RALGPS2: variants seen among roughly 807,000 people sequenced by gnomAD.
RALGPS2 encodes the protein Ral GEF with PH domain and SH3 binding motif 2.
A neutral mutation model predicts 86.8 loss-of-function variants in RALGPS2; 43 were observed. That is an observed-to-expected ratio of 0.50 (90% CI 0.39 to 0.64). The LOEUF is 0.64. RALGPS2 is among the 30% of genes least tolerant of loss of function. The pLI, the probability that RALGPS2 is intolerant of heterozygous loss-of-function variation, is 0.00. For missense variants in RALGPS2, 536 were observed against 694.6 expected (o/e 0.77, Z 2.57); for synonymous variants, 243 against 231.3 (o/e 1.05, Z -0.46).
intron 1 of RALGPS2, among the ~76,000 whole-genome samples, chr1:178,765,532 C>T (rs933088366): frequency 3.4e-4 from 51 of 152,086 alleles, no homozygotes; most frequent in African/African-American, 1.1e-3. Flanking sequence ...AGGAACGGAG[C>T]GAAATTAAAA....
chr1:178,754,424 T>C (rs1395412893), intron 1 of RALGPS2, among the ~76,000 whole-genome samples: 1 of 152,068 alleles, frequency 6.6e-6, no homozygotes, highest in Non-Finnish European at 1.5e-5. Flanking sequence ...GGAGAGCCGG[T>C]GGTATAAGTT....
intron 13 of RALGPS2, among the ~76,000 whole-genome samples, chr1:178,888,449 T>G (rs1659582522): frequency 6.6e-6 from 1 of 152,166 alleles, no homozygotes; most frequent in Non-Finnish European, 1.5e-5. Flanking sequence ...TTTTCTAATG[T>G]GGTATCTATC....
At chr1:178,771,049 C>T (rs910738359) in intron 1 of RALGPS2, among the ~76,000 whole-genome samples, 4 of 149,658 alleles carry the variant, frequency 2.7e-5, no homozygotes, top group South Asian at 2.1e-4. Context: ...ATGTTGGCCA[C>T]GCTGGTCTCG....
At chr1:178,755,787 AC>A (rs1419446117) in intron 1 of RALGPS2, among the ~76,000 whole-genome samples, 6 of 152,176 alleles carry the variant, frequency 3.9e-5, no homozygotes, top group African/African-American at 1.4e-4. Context: ...TAGTGGCTGT[AC>A]TATTTACATC....
chr1:178,730,335 C>T (rs959360540), intron 1 of RALGPS2, among the ~76,000 whole-genome samples: 8 of 152,278 alleles, frequency 5.3e-5, no homozygotes, highest in African/African-American at 1.9e-4. Flanking sequence ...TCTTATGCCA[C>T]CTTGAAATTT....
At chr1:178,836,595 C>G (rs947851828) in intron 8 of RALGPS2, among the ~76,000 whole-genome samples, 4 of 152,150 alleles carry the variant, frequency 2.6e-5, no homozygotes, top group African/African-American at 9.7e-5. Context: ...GTTTCTCAAG[C>G]CCCATCTTAA....
At chr1:178,870,739 A>G (rs1658705460) in intron 8 of RALGPS2, 1 of 152,172 alleles carries the variant, frequency 6.6e-6, no homozygotes. Flanking sequence ...AATATTAAAT[A>G]CCTTTTTGTG....
intron 17 of RALGPS2, among the ~76,000 whole-genome samples, chr1:178,898,848 C>A (rs1660050478): frequency 6.6e-6 from 1 of 151,832 alleles, no homozygotes; most frequent in Non-Finnish European, 1.5e-5. Context: ...GTATTCTGGT[C>A]AAATTGACAA....
chr1:178,806,980 T>TA (rs1186885269), intron 4 of RALGPS2, among the ~76,000 whole-genome samples: 4 of 152,246 alleles, frequency 2.6e-5, no homozygotes, highest in African/African-American at 9.6e-5. Context: ...GTAAAGCTGT[T>TA]ACACAGCAAT....
chr1:178,907,439 G>A (rs1181920667), intron 19 of RALGPS2, among the ~76,000 whole-genome samples: 2 of 152,160 alleles, frequency 1.3e-5, no homozygotes, highest in Non-Finnish European at 2.9e-5. Flanking sequence ...GGTTTCTGTG[G>A]TGGTAGTGAA....
At chr1:178,833,688 T>C (rs1317973143) in intron 8 of RALGPS2, 138 bp downstream of exon 8, 10 of 1,343,442 alleles carry the variant, frequency 7.4e-6, no homozygotes, top group Non-Finnish European at 9.6e-6. Flanking sequence ...CTGAAAAAAA[T>C]GACTAAAGAT....
At chr1:178,727,830 C>T (rs1161590221) in intron 1 of RALGPS2, among the ~76,000 whole-genome samples, 1 of 152,078 alleles carries the variant, frequency 6.6e-6, no homozygotes, top group Admixed American at 6.5e-5. Flanking sequence ...AGGGGAGACA[C>T]AACAGGGCTT....
At chr1:178,819,157 A>G (rs1044159847) in intron 6 of RALGPS2, among the ~76,000 whole-genome samples, 13 of 150,752 alleles carry the variant, frequency 8.6e-5, no homozygotes, top group African/African-American at 3.2e-4. Flanking sequence ...CACCTGGTTA[A>G]TTTCTGTGTT....
intron 2 of RALGPS2, among the ~76,000 whole-genome samples, chr1:178,779,313 T>C (rs1653264005): frequency 6.6e-6 from 1 of 152,206 alleles, no homozygotes; most frequent in African/African-American, 2.4e-5. Flanking sequence ...GGAACTTGCC[T>C]GCTTTCCTTA....
chr1:178,885,308 A>C (rs1659436524), intron 12 of RALGPS2, 97 bp downstream of exon 12: 1 of 1,239,664 alleles, frequency 8.1e-7, no homozygotes. Context: ...ATCCTTGAAT[A>C]GTTTTCTTTT....
chr1:178,764,092 T>G (rs1652381862), intron 1 of RALGPS2, among the ~76,000 whole-genome samples: 1 of 152,166 alleles, frequency 6.6e-6, no homozygotes, highest in Admixed American at 6.6e-5. Flanking sequence ...TATTGTGTGT[T>G]TGTCTGTGTC....
intron 6 of RALGPS2, among the ~76,000 whole-genome samples, chr1:178,818,051 G>A (rs1330485677): frequency 6.6e-6 from 1 of 152,094 alleles, no homozygotes; most frequent in African/African-American, 2.4e-5. Context: ...CCTCTGTGAG[G>A]GAACAAGAAT....
chr1:178,763,041 G>A (rs1308339885), intron 1 of RALGPS2, among the ~76,000 whole-genome samples: 2 of 152,076 alleles, frequency 1.3e-5, no homozygotes, highest in African/African-American at 2.4e-5. Flanking sequence ...CAAGGAAGGG[G>A]TCCAGTTTTA....
intron 10 of RALGPS2, among the ~76,000 whole-genome samples, chr1:178,880,998 G>T (rs186721222): frequency 9.2e-5 from 14 of 152,232 alleles, no homozygotes; most frequent in African/African-American, 3.4e-4. Flanking sequence ...TAGAACCAGA[G>T]CAGCCCTTCC....
Sources: gnomAD v4.1 joint callset for allele counts (sites outside exome capture counted in the v4.1 genomes callset) on GRCh38, gnomAD v4.1.1 for gene constraint, MANE v1.5 for transcripts, NCBI Gene and HGNC (gene_info 2026-07-23, HGNC 2026-07-21) for gene names.